The following VAPA variants were observed in gnomAD, a reference collection of about 807,000 sequenced individuals.
The protein encoded by VAPA is VAMP associated protein A, also known as vesicle-associated membrane protein-associated protein A.
VAPA carries 6 observed loss-of-function variants against 25.6 expected under a neutral mutation model. The observed-to-expected ratio is 0.23, with a 90% CI of 0.13 to 0.46. The LOEUF is 0.46. Ranked by LOEUF, VAPA falls within the 20% of genes least tolerant of loss-of-function variation. The pLI is 0.99. For missense variants in VAPA, 244 were observed against 302.1 expected, an observed-to-expected ratio of 0.81 and a Z score of 1.43; for synonymous variants, 112 against 106.2, an observed-to-expected ratio of 1.05 and a Z score of -0.34.
intron 1 of VAPA, chr18:9,923,903 T>C (rs930273348): frequency 1.8e-5 from 3 of 163,976 alleles, no homozygotes; most frequent in Non-Finnish European, 3.9e-5. Context: ...GGAAAAAGTA[T>C]AGATATTATA....
intron 2 of VAPA, among the ~76,000 whole-genome samples, chr18:9,933,089 A>C (rs2069273304): frequency 6.6e-6 from 1 of 152,068 alleles, no homozygotes; most frequent in African/African-American, 2.4e-5. Flanking sequence ...TCTCAAAACA[A>C]ACAAACAAAA....
intron 1 of VAPA, chr18:9,915,137 C>G (rs566377067): frequency 6.6e-6 from 1 of 152,410 alleles, no homozygotes; most frequent in African/African-American, 2.4e-5. Flanking sequence ...GGGCTTCCTG[C>G]CTTCTACGAC....
At chr18:9,922,196 C>G (rs2069162523) in intron 1 of VAPA, among the ~76,000 whole-genome samples, 1 of 152,094 alleles carries the variant, frequency 6.6e-6, no homozygotes, top group South Asian at 2.1e-4. Flanking sequence ...TCTTGAACTC[C>G]TGGCCTCAAG....
rs770145704 is a variant in VAPA, at chr18:9,914,222, C to T, written c.-35C>T. On this transcript the variant is annotated 5_prime_UTR_variant, in exon 1 of 6. Coordinates refer to ENST00000400000, the MANE Select transcript of VAPA (RefSeq NM_194434.3). The stretch of plus-strand genomic sequence containing the variant: ...CCCGCCCCCAGTCAGCAAACCGCCG[C>T]CGCGGGCGCGCCCCCGCTCTGCGCT... 6 of 1,558,296 alleles carry T rather than the reference C, an allele frequency of 3.9e-6. No homozygotes were observed. In the Admixed American group the frequency reaches 5.5e-5, roughly 14 times the overall value.
At chr18:9,915,926 T>C (rs990543916) in intron 1 of VAPA, 1 of 152,216 alleles carries the variant, frequency 6.6e-6, no homozygotes, top group African/African-American at 2.4e-5. Flanking sequence ...TGAGGAATTA[T>C]GAAGAGTCCT....
At chr18:9,927,855 C>T (rs1039731227) in intron 1 of VAPA, among the ~76,000 whole-genome samples, 17 of 152,020 alleles carry the variant, frequency 1.1e-4, no homozygotes, top group African/African-American at 3.9e-4. Flanking sequence ...ATGGCAGTGA[C>T]AGCTGTAGAG....
At position 9,914,192 on chromosome 18, in the gene VAPA, C is replaced by T. The variant is rs1310380934; in HGVS notation, c.-65C>T. Reference sequence around the variant, plus strand: ...AGCTCGGCCGAGCCGTCGCCGCCGTCGTCCCCCGCCCCCAGTCAGCAAACC... The same window carrying T: ...AGCTCGGCCGAGCCGTCGCCGCCGTTGTCCCCCGCCCCCAGTCAGCAAACC... On this transcript the variant is annotated 5_prime_UTR_variant, in exon 1 of 6. Transcript: ENST00000400000. 14 of 1,445,952 alleles carry T rather than the reference C, an allele frequency of 9.7e-6. No homozygotes were observed. Among genetic ancestry groups the T allele is most frequent in the East Asian group, 2.9e-5 (1 of 34,994 alleles). 89.6% of individuals were successfully genotyped at this position (1,445,952 alleles called of 1,614,324 possible).
rs2069519242 is a variant in VAPA at position 9,954,203 on chromosome 18, A to C, written c.742A>C (p.Ile248Leu). The change falls in exon 6 of 6, where the codon ATC (isoleucine) becomes CTC (leucine). Residue 248 changes from isoleucine (I) to leucine (L), a missense_variant. Ile to Leu is a conservative substitution (Grantham distance 5). Transcript: ENST00000400000. Reference sequence around the variant, plus strand: ...CATTGGATTCTTTCTAGGGAAATTCATCTTGTAGAGTGAAGCATGCAGAGT... The same window carrying C: ...CATTGGATTCTTTCTAGGGAAATTCCTCTTGTAGAGTGAAGCATGCAGAGT... ...IFIGFFLGKF[I>L]L 1.9e-6 allele frequency: 3 copies of C among 1,609,814 alleles called. No homozygotes were observed. Among genetic ancestry groups the C allele is most frequent in the Non-Finnish European group, 2.5e-6 (3 of 1,178,744 alleles).
intron 1 of VAPA, among the ~76,000 whole-genome samples, chr18:9,920,912 C>T (rs1186594273): frequency 6.6e-6 from 1 of 152,188 alleles, no homozygotes; most frequent in Non-Finnish European, 1.5e-5. Context: ...GAATCACTTC[C>T]TCTTGAGAAG....
Position 9,956,775 on chromosome 18 carries a change from T to TA in VAPA, c.*2565dup, listed in dbSNP as rs368573372. On this transcript the variant is annotated 3_prime_UTR_variant, in exon 6 of 6. Coordinates refer to ENST00000400000, the MANE Select transcript of VAPA (RefSeq NM_194434.3). ...TTTGCTTTGTCTGCCTGCTTACTTG[T>TA]ATATGTAAGCATGAGGGAAATACAC... 1 of 152,556 alleles carries TA rather than the reference T, an allele frequency of 6.6e-6. No individual in the cohort carries two copies. The highest frequency in any genetic ancestry group is 2.4e-5 in the African/African-American group (1 of 41,590). 9.5% of individuals were successfully genotyped at this position (152,556 alleles called of 1,614,324 possible). A position where few individuals can be genotyped will look rare whatever the true frequency, so the allele number is the denominator to read the frequency against.
intron 1 of VAPA, among the ~76,000 whole-genome samples, chr18:9,927,958 A>AT (rs958040711): frequency 2.0e-5 from 3 of 152,052 alleles, no homozygotes; most frequent in African/African-American, 4.8e-5. Context: ...TTAATTGTAG[A>AT]TTTTTTTCAA....
intron 5 of VAPA, among the ~76,000 whole-genome samples, chr18:9,952,223 G>A (rs1159000157): frequency 1.3e-5 from 2 of 152,068 alleles, no homozygotes; most frequent in East Asian, 3.9e-4. Context: ...TTATGCTAGT[G>A]TTCTGTATGA....
chr18:9,942,477 C>T (rs370055900), intron 4 of VAPA, among the ~76,000 whole-genome samples: 35 of 152,256 alleles, frequency 2.3e-4, no homozygotes, highest in Non-Finnish European at 3.2e-4. Flanking sequence ...CCCAGCCCCC[C>T]CTTCCTGTAT....
At chr18:9,945,793 G>A (rs1599114701) in intron 4 of VAPA, among the ~76,000 whole-genome samples, 1 of 152,100 alleles carries the variant, frequency 6.6e-6, no homozygotes, top group South Asian at 2.1e-4. Context: ...ATTTACTTCT[G>A]GGAGTCATGA....
chr18:9,945,458 C>G (rs1332377960), intron 4 of VAPA, among the ~76,000 whole-genome samples: 1 of 136,036 alleles, frequency 7.4e-6, no homozygotes, highest in Non-Finnish European at 1.5e-5. Flanking sequence ...CTCCCCGGTT[C>G]AAGGGATTCT....
rs977345998 is a variant in VAPA at position 9,936,893 on chromosome 18, A to G, written c.337-93A>G. On this transcript the variant is annotated intron_variant, in intron 3 of 5. Transcript: ENST00000400000. ...CCAGTGTGTTTCAGCCAAGCCAGGCAGCTTCACTCATCTTTTAGCTGTCCC... is the reference window on the plus strand; with the variant it reads ...CCAGTGTGTTTCAGCCAAGCCAGGCGGCTTCACTCATCTTTTAGCTGTCCC... The G allele has an allele frequency of 3.9e-6, 4 of 1,032,572 alleles. No individual in the cohort carries two copies. The African/African-American group carries it at 6.4e-5, about 17-fold the overall frequency. The allele number at this position is 1,032,572 out of a possible 1,614,324, so 64.0% of individuals were successfully genotyped here.
At chr18:9,931,009 C>A (rs368480862) in intron 1 of VAPA, among the ~76,000 whole-genome samples, 29 of 152,134 alleles carry the variant, frequency 1.9e-4, no homozygotes, top group African/African-American at 6.3e-4. Context: ...TTGATTCCAG[C>A]CTTCTAGCTT....
At chr18:9,950,680 C>A in intron 5 of VAPA, 112 bp downstream of exon 5, 2 of 1,152,718 alleles carry the variant, frequency 1.7e-6, no homozygotes, top group Non-Finnish European at 1.2e-6. Context: ...TCAGTTCTTT[C>A]TTCTTTGCCC....
At chr18:9,937,187 C>T in intron 4 of VAPA, 121 bp downstream of exon 4, 1 of 432,326 alleles carries the variant, frequency 2.3e-6, no homozygotes, top group Non-Finnish European at 3.8e-6. Flanking sequence ...TCATAAGACT[C>T]AGTGGTTAAG....
Sources: gnomAD v4.1 joint callset for allele counts (sites outside exome capture counted in the v4.1 genomes callset) on GRCh38, gnomAD v4.1.1 for gene constraint, MANE v1.5 for transcripts, NCBI Gene and HGNC (gene_info 2026-07-23, HGNC 2026-07-21) for gene names.